Variants in DPYD observed in about 807,000 individuals in gnomAD.
The protein encoded by DPYD is dihydropyrimidine dehydrogenase.
Under a neutral mutation model 116.2 loss-of-function variants are expected in DPYD, and 109 were observed. That is an observed-to-expected ratio of 0.94 (90% confidence interval 0.80 to 1.10). The LOEUF (loss-of-function observed/expected upper bound fraction) is 1.10, where lower values mean the gene tolerates loss of function less well. DPYD is among the 50% of genes least tolerant of loss of function. The pLI, the probability that DPYD is intolerant of heterozygous loss-of-function variation, is 0.00. For missense variants in DPYD, 1,302 were observed against 1,254.5 expected (o/e 1.04, Z -0.57); for synonymous variants, 440 against 432.0 (o/e 1.02, Z -0.23).
intron 14 of DPYD, among the ~76,000 whole-genome samples, chr1:97,392,944 G>A (rs1351173206): frequency 2.0e-5 from 3 of 151,982 alleles, no homozygotes; most frequent in Non-Finnish European, 2.9e-5. Context: ...ATTCACAAAT[G>A]TTCTTAAGGG....
intron 1 of DPYD, among the ~76,000 whole-genome samples, chr1:97,913,447 G>A (rs914015222): frequency 2.0e-5 from 3 of 152,092 alleles, no homozygotes; most frequent in African/African-American, 7.2e-5. Flanking sequence ...CTGAAGATCA[G>A]AAAACTCTTC....
chr1:97,356,866 C>T (rs771566093), intron 16 of DPYD, among the ~76,000 whole-genome samples: 7 of 152,150 alleles, frequency 4.6e-5, no homozygotes, highest in Non-Finnish European at 8.8e-5. Flanking sequence ...CCATTCTGCT[C>T]CACTGGTCAA....
intron 20 of DPYD, among the ~76,000 whole-genome samples, chr1:97,146,931 TAA>T (rs1557892106): frequency 6.6e-6 from 1 of 151,972 alleles, no homozygotes; most frequent in African/African-American, 2.4e-5. Context: ...GCAAGGAAAA[TAA>T]AGAGTCAGAA....
intron 20 of DPYD, among the ~76,000 whole-genome samples, chr1:97,099,044 G>C (rs1239163885): frequency 6.6e-6 from 1 of 152,048 alleles, no homozygotes; most frequent in Non-Finnish European, 1.5e-5. Flanking sequence ...GCATGATATA[G>C]ACACAGTTGT....
At chr1:97,365,190 C>T (rs934728623) in intron 16 of DPYD, among the ~76,000 whole-genome samples, 1 of 152,178 alleles carries the variant, frequency 6.6e-6, no homozygotes, top group Non-Finnish European at 1.5e-5. Flanking sequence ...ACTCTCGAGT[C>T]ATTTGTGGCT....
At chr1:97,620,226 T>A (rs191636740) in intron 8 of DPYD, among the ~76,000 whole-genome samples, 1,797 of 152,190 alleles carry the variant, frequency 0.012, 21 homozygotes, top group Middle Eastern at 0.024. Context: ...TTAAAAAAAA[T>A]TTTTTTGAGA....
intron 14 of DPYD, among the ~76,000 whole-genome samples, chr1:97,416,691 T>C (rs546691982): frequency 2.0e-5 from 3 of 152,266 alleles, no homozygotes; most frequent in African/African-American, 7.2e-5. Flanking sequence ...TCATTAGGGA[T>C]CCATGACCTA....
At chr1:97,462,828 G>A (rs1046446042) in intron 13 of DPYD, among the ~76,000 whole-genome samples, 1 of 152,158 alleles carries the variant, frequency 6.6e-6, no homozygotes, top group Non-Finnish European at 1.5e-5. Flanking sequence ...ATCTAGGAGA[G>A]AATTAACTAA....
At chr1:97,388,449 G>C (rs1672484522) in intron 14 of DPYD, among the ~76,000 whole-genome samples, 1 of 152,012 alleles carries the variant, frequency 6.6e-6, no homozygotes, top group African/African-American at 2.4e-5. Context: ...TAGAGAAAAA[G>C]AAAGGCCCTA....
chr1:97,450,023 C>T (rs2101791353), intron 14 of DPYD, 36 bp downstream of exon 14: 1 of 1,612,702 alleles, frequency 6.2e-7, no homozygotes, highest in Non-Finnish European at 8.5e-7. Context: ...CCAACTTATG[C>T]CAATTCTCTT....
At chr1:97,367,158 T>C (rs1182199880) in intron 16 of DPYD, among the ~76,000 whole-genome samples, 2 of 152,020 alleles carry the variant, frequency 1.3e-5, no homozygotes, top group African/African-American at 4.8e-5. Flanking sequence ...TCACACTTGG[T>C]TTGGATTCTC....
intron 13 of DPYD, among the ~76,000 whole-genome samples, chr1:97,500,499 T>C (rs892563404): frequency 6.6e-6 from 1 of 152,052 alleles, no homozygotes; most frequent in African/African-American, 2.4e-5. Context: ...TGTTATCTTA[T>C]ATTTTCATAA....
chr1:97,146,486 A>T (rs1654642625), intron 20 of DPYD, among the ~76,000 whole-genome samples: 1 of 152,208 alleles, frequency 6.6e-6, no homozygotes, highest in African/African-American at 2.4e-5. Context: ...ACATCCTGTT[A>T]TTCTGGGCAG....
intron 8 of DPYD, among the ~76,000 whole-genome samples, chr1:97,663,408 C>G (rs1384989191): frequency 1.3e-5 from 2 of 152,192 alleles, no homozygotes; most frequent in African/African-American, 4.8e-5. Flanking sequence ...CCTTCTGACT[C>G]CTGTCCTTCA....
chr1:97,750,226 T>C (rs1169733453), intron 3 of DPYD, among the ~76,000 whole-genome samples: 1 of 152,056 alleles, frequency 6.6e-6, no homozygotes, highest in Non-Finnish European at 1.5e-5. Context: ...ATATTAGTAA[T>C]AGTAATCTGA....
chr1:97,373,538 G>C (rs1324095275), intron 16 of DPYD, 23 bp downstream of exon 16: 1 of 1,603,494 alleles, frequency 6.2e-7, no homozygotes, highest in African/African-American at 1.3e-5. Flanking sequence ...GACATACTTA[G>C]TGGCAGCTGT....
intron 12 of DPYD, among the ~76,000 whole-genome samples, chr1:97,537,663 C>T (rs965280933): frequency 6.9e-6 from 1 of 145,006 alleles, no homozygotes; most frequent in Non-Finnish European, 1.5e-5. Context: ...ATTGTCTGTT[C>T]TTGTTTGTTA....
intron 18 of DPYD, among the ~76,000 whole-genome samples, chr1:97,270,178 C>T (rs1157462159): frequency 6.6e-6 from 1 of 152,050 alleles, no homozygotes; most frequent in African/African-American, 2.4e-5. Context: ...GTAAAGAAAG[C>T]AATAGAATCA....
chr1:97,194,197 T>C (rs1236727847), intron 19 of DPYD, among the ~76,000 whole-genome samples: 1 of 152,202 alleles, frequency 6.6e-6, no homozygotes, highest in Non-Finnish European at 1.5e-5. Flanking sequence ...CATCTTGAAT[T>C]GTAGTTCCCA....
Sources: gnomAD v4.1 joint callset for allele counts (sites outside exome capture counted in the v4.1 genomes callset) on GRCh38, gnomAD v4.1.1 for gene constraint, MANE v1.5 for transcripts, NCBI Gene and HGNC (gene_info 2026-07-23, HGNC 2026-07-21) for gene names.